Variants in HNF4G observed in about 807,000 individuals in gnomAD.
HNF4G encodes the protein hepatocyte nuclear factor 4-gamma.
In HNF4G, 21 loss-of-function variants were observed where a neutral mutation model predicts 50.9. The ratio of observed to expected loss-of-function variants is 0.41; its 90% CI spans 0.29 to 0.59. HNF4G has a LOEUF of 0.59. HNF4G is among the 20% of genes least tolerant of loss of function. The pLI is 0.26. For synonymous variants in HNF4G, 198 were observed against 185.6 expected (o/e 1.07, Z -0.54); for missense variants, 527 against 559.4 (o/e 0.94, Z 0.58).
intron 2 of HNF4G, among the ~76,000 whole-genome samples, chr8:75,512,467 A>ATTATTG (rs1805782577): frequency 6.7e-6 from 1 of 149,088 alleles, no homozygotes; most frequent in African/African-American, 2.5e-5. Flanking sequence ...TATTATTATT[A>ATTATTG]TTATTGTTAT....
intron 9 of HNF4G, among the ~76,000 whole-genome samples, chr8:75,563,607 G>A (rs1352734051): frequency 6.6e-6 from 1 of 151,854 alleles, no homozygotes; most frequent in Non-Finnish European, 1.5e-5. Context: ...TATAAACATT[G>A]TTTTCTAATA....
upstream of HNF4G, among the ~76,000 whole-genome samples, chr8:75,536,102 C>G (rs558962663): frequency 6.6e-6 from 1 of 151,744 alleles, no homozygotes; most frequent in Non-Finnish European, 1.5e-5. Flanking sequence ...ACATCTTAGC[C>G]TACAAAACAT....
chr8:75,407,738 GAAACAAACAAAC>G (rs535181928), upstream of HNF4G, among the ~76,000 whole-genome samples: 74 of 152,182 alleles, frequency 4.9e-4, no homozygotes, highest in Non-Finnish European at 6.5e-4. Flanking sequence ...TCGGGAAAAA[GAAACAAACAAAC>G]AAACAAACAA....
chr8:75,509,462 A>G (rs933117238), intron 2 of HNF4G, among the ~76,000 whole-genome samples: 4 of 152,210 alleles, frequency 2.6e-5, no homozygotes, highest in Non-Finnish European at 5.9e-5. Flanking sequence ...TCTATTGCCT[A>G]TTACATAGTG....
At position 75,560,327 on chromosome 8, in the gene HNF4G, CT is replaced by C; in HGVS notation, c.1124-12del. 6.2e-7 allele frequency: 1 copy of C among 1,611,424 alleles called. No individual in the cohort carries two copies. Among genetic ancestry groups the C allele is most frequent in the African/African-American group, 1.3e-5 (1 of 74,922 alleles). Reference sequence around the variant, plus strand: ...TGATTAAATATCACTAACACAGCATCTTTTTATCTTTTGTAGGGGCTTCCAA... The same window carrying C: ...TGATTAAATATCACTAACACAGCATCTTTTATCTTTTGTAGGGGCTTCCAA... On this transcript the variant is annotated splice_polypyrimidine_tract_variant and intron_variant, in intron 8 of 9. Coordinates refer to ENST00000396423, the MANE Select transcript of HNF4G (RefSeq NM_004133.5).
chr8:75,474,123 A>G (rs955340682), intron 1 of HNF4G, among the ~76,000 whole-genome samples: 5 of 152,190 alleles, frequency 3.3e-5, no homozygotes, highest in African/African-American at 9.6e-5. Flanking sequence ...CTTTGAAAGA[A>G]AGAGATTCCT....
At chr8:75,423,629 G>T (rs1810824094) in intron 1 of HNF4G, among the ~76,000 whole-genome samples, 1 of 151,272 alleles carries the variant, frequency 6.6e-6, no homozygotes, top group South Asian at 2.1e-4. Context: ...CGACCTCGTG[G>T]CCTGCCCACC....
chr8:75,449,751 C>A lies in HNF4G; in HGVS notation c.-143-40338C>A, dbSNP rs570972245. On this transcript the variant is annotated intron_variant, in intron 1 of 10. Transcript: ENST00000354370. ...CTCGATCTCCTGACCTCGTGATCCG[C>A]CCCCCTTGGCCTCCCAAAGTGCTGG... is the stretch of plus-strand genomic sequence containing the variant. 2.7e-5 allele frequency among the ~76,000 whole-genome samples: 4 copies of A among 149,964 alleles called. No individual in the cohort carries two copies. In the East Asian group the frequency reaches 5.8e-4, roughly 22 times the overall value.
At chr8:75,560,910 T>G (rs187871615) in intron 9 of HNF4G, among the ~76,000 whole-genome samples, 9 of 152,330 alleles carry the variant, frequency 5.9e-5, no homozygotes, top group Non-Finnish European at 1.0e-4. Context: ...ACTTATTTTG[T>G]AGAATTCAAT....
intron 1 of HNF4G, among the ~76,000 whole-genome samples, chr8:75,439,554 A>C (rs1811224051): frequency 6.6e-6 from 1 of 151,960 alleles, no homozygotes; most frequent in South Asian, 2.1e-4. Flanking sequence ...AACATATTAC[A>C]TTTTTTCTTA....
At chr8:75,490,162 T>C (rs1487543256) in exon 2 of HNF4G, 5 of 152,646 alleles carry the variant, frequency 3.3e-5, no homozygotes, top group African/African-American at 4.8e-5. Context: ...CTTGTATTGA[T>C]TCTACTCTTC....
intron 1 of HNF4G, among the ~76,000 whole-genome samples, chr8:75,475,947 AT>A (rs1220033007): frequency 5.3e-5 from 8 of 151,676 alleles, no homozygotes; most frequent in East Asian, 1.9e-4. Context: ...TATTTTTAAA[AT>A]TTTTTTTATT....
At chr8:75,499,262 G>A (rs1281032294) in intron 2 of HNF4G, among the ~76,000 whole-genome samples, 1 of 151,848 alleles carries the variant, frequency 6.6e-6, no homozygotes, top group Admixed American at 6.6e-5. Context: ...GGTGAAATAA[G>A]AAAATAATTT....
intron 2 of HNF4G, among the ~76,000 whole-genome samples, chr8:75,529,217 G>A (rs914192265): frequency 6.6e-6 from 1 of 152,076 alleles, no homozygotes; most frequent in African/African-American, 2.4e-5. Context: ...CGTGAACCCG[G>A]CAGGCGGAGC....
intron 1 of HNF4G, among the ~76,000 whole-genome samples, chr8:75,484,590 T>C (rs1812454208): frequency 6.6e-6 from 1 of 152,210 alleles, no homozygotes; most frequent in South Asian, 2.1e-4. Context: ...CCCAGTTACA[T>C]GTTCTCACAA....
At chr8:75,473,802 A>G (rs1245570635) in intron 1 of HNF4G, among the ~76,000 whole-genome samples, 1 of 152,142 alleles carries the variant, frequency 6.6e-6, no homozygotes, top group African/African-American at 2.4e-5. Context: ...TATGGCTTTA[A>G]CTGGTGACAC....
At chr8:75,407,905 G>T (rs1044489678), upstream of HNF4G, 4 of 152,136 alleles carry the variant, frequency 2.6e-5, no homozygotes, top group African/African-American at 9.7e-5. Flanking sequence ...GCTGCCGGGA[G>T]ATGCGGCGGC....
chr8:75,539,813 C>A, upstream of HNF4G: 1 of 545,488 alleles, frequency 1.8e-6, no homozygotes, highest in Non-Finnish European at 3.3e-6. Flanking sequence ...AAGAAGGTTA[C>A]AGTTTTACAG....
chr8:75,470,957 C>T (rs1416212683), intron 1 of HNF4G, among the ~76,000 whole-genome samples: 2 of 151,988 alleles, frequency 1.3e-5, no homozygotes, highest in African/African-American at 4.8e-5. Flanking sequence ...CCTTATGGTC[C>T]TTGTCACAAC....
Sources: allele counts gnomAD v4.1 joint callset (sites outside exome capture counted in the v4.1 genomes callset), GRCh38; gene constraint gnomAD v4.1.1; transcripts MANE v1.5; gene names NCBI Gene and HGNC (gene_info 2026-07-23, HGNC 2026-07-21).